Variants in SAXO1 observed in about 807,000 individuals in gnomAD.
SAXO1 encodes the protein 4930500O09Rik.
Under a neutral mutation model 17.5 loss-of-function variants are expected in SAXO1, and 21 were observed. The ratio of observed to expected loss-of-function variants is 1.20; its 90% CI spans 0.85 to 1.72. The LOEUF (loss-of-function observed/expected upper bound fraction) is 1.72, where lower values mean the gene tolerates loss of function less well. Among genes scored for constraint, SAXO1 ranks in the 40% most tolerant of loss-of-function variants. SAXO1 has a pLI of 0.00. For synonymous variants in SAXO1, 274 were observed against 216.5 expected (o/e 1.27, Z -2.33); for missense variants, 843 against 596.0 (o/e 1.41, Z -4.32).
intron 3 of SAXO1, among the ~76,000 whole-genome samples, chr9:18,933,349 A>C (rs986138160): frequency 2.0e-5 from 3 of 152,210 alleles, no homozygotes; most frequent in Non-Finnish European, 2.9e-5. Flanking sequence ...TTGAATTCCC[A>C]GAATAAATCT....
At chr9:19,035,223 G>A (rs1330579682), upstream of SAXO1, among the ~76,000 whole-genome samples, 3 of 152,162 alleles carry the variant, frequency 2.0e-5, no homozygotes, top group Non-Finnish European at 2.9e-5. Context: ...CCCACATGTT[G>A]TGGGAGGGAC....
intron 1 of SAXO1, among the ~76,000 whole-genome samples, chr9:18,962,849 T>C (rs1488114830): frequency 6.6e-6 from 1 of 152,234 alleles, no homozygotes; most frequent in Non-Finnish European, 1.5e-5. Context: ...TTGCTTTTGG[T>C]GTTTTAGTCA....
chr9:19,032,760 G>A (rs1835820775), intron 1 of SAXO1, 111 bp downstream of exon 1: 1 of 1,196,904 alleles, frequency 8.4e-7, no homozygotes, highest in South Asian at 1.4e-5. Context: ...CGTAGCAAGT[G>A]GACGAACCCA....
intron 1 of SAXO1, among the ~76,000 whole-genome samples, chr9:18,970,251 C>G (rs1250446762): frequency 1.3e-5 from 2 of 152,168 alleles, no homozygotes; most frequent in Non-Finnish European, 2.9e-5. Flanking sequence ...ATGCTATATA[C>G]CATGTTAATT....
At chr9:18,941,101 TA>T (rs955447383) in intron 3 of SAXO1, among the ~76,000 whole-genome samples, 5 of 152,338 alleles carry the variant, frequency 3.3e-5, no homozygotes, top group African/African-American at 1.2e-4. Flanking sequence ...CATTTTGATA[TA>T]TTTTTTAAAC....
chr9:19,008,863 G>A (rs981282077), intron 1 of SAXO1, among the ~76,000 whole-genome samples: 2 of 152,172 alleles, frequency 1.3e-5, no homozygotes, highest in African/African-American at 4.8e-5. Context: ...CCTGTTCTCT[G>A]GGAGCCCTTT....
At chr9:18,985,368 C>T (rs1015683224) in intron 1 of SAXO1, among the ~76,000 whole-genome samples, 4 of 152,102 alleles carry the variant, frequency 2.6e-5, no homozygotes, top group African/African-American at 9.7e-5. Context: ...AAACAGCAGA[C>T]AGAATTCTTC....
rs766643681 is a variant in SAXO1 at position 18,950,783 on chromosome 9, G to C, written c.193C>G (p.Pro65Ala). 6 of 1,613,474 alleles carry C rather than the reference G, an allele frequency of 3.7e-6. No individual in the cohort carries two copies. The highest frequency in any genetic ancestry group is 5.1e-6 in the Non-Finnish European group (6 of 1,179,618). The change falls in exon 2 of 4, where the codon CCA (proline) becomes GCA (alanine). Residue 65 changes from proline to alanine, a missense_variant. Physicochemically the swap from Pro to Ala is conservative, Grantham distance 27. Coordinates refer to ENST00000380534, the MANE Select transcript of SAXO1 (RefSeq NM_153707.4). ...CTTGATGTAGTCAGGCCTTCCATTG[G>C]TATAGGCCCTTTCTGGTACTCCCGC... The part of the protein sequence containing the change: ...PRREYQKGPI[P>A]MEGLTTSRRD...
At chr9:18,938,828 G>GTGTGTGTGTGTGTGTA (rs1831418223) in intron 3 of SAXO1, among the ~76,000 whole-genome samples, 2 of 114,034 alleles carry the variant, frequency 1.8e-5, no homozygotes, top group Admixed American at 9.6e-5. Flanking sequence ...GTGCGTGTGT[G>GTGTGTGTGTGTGTGTA]TGTGTGTGTG....
intron 1 of SAXO1, among the ~76,000 whole-genome samples, chr9:18,984,082 T>C (rs955591494): frequency 2.0e-5 from 3 of 152,246 alleles, no homozygotes; most frequent in Admixed American, 6.5e-5. Context: ...CTAAGTGTAT[T>C]GTCAATGAAC....
chr9:18,995,660 A>G (rs999894699), intron 1 of SAXO1, among the ~76,000 whole-genome samples: 1 of 152,210 alleles, frequency 6.6e-6, no homozygotes, highest in Non-Finnish European at 1.5e-5. Context: ...CAGAATCTAC[A>G]GTTTTTTCAA....
intron 3 of SAXO1, among the ~76,000 whole-genome samples, chr9:18,938,349 T>C (rs1382022214): frequency 6.6e-6 from 1 of 152,066 alleles, no homozygotes; most frequent in Non-Finnish European, 1.5e-5. Context: ...ACAGGAAGCA[T>C]GGTAGCATCT....
At chr9:18,968,476 T>G (rs1832815398) in intron 1 of SAXO1, among the ~76,000 whole-genome samples, 1 of 152,236 alleles carries the variant, frequency 6.6e-6, no homozygotes. Flanking sequence ...TGTTATACAC[T>G]TGAAGTTTTT....
chr9:18,934,365 T>A (rs1470474532), intron 3 of SAXO1, among the ~76,000 whole-genome samples: 4 of 152,172 alleles, frequency 2.6e-5, no homozygotes, highest in Non-Finnish European at 5.9e-5. Context: ...TTCTCTTAAT[T>A]TTTTTCTGTT....
chr9:18,935,744 C>G (rs1333757598), intron 3 of SAXO1, among the ~76,000 whole-genome samples: 2 of 152,192 alleles, frequency 1.3e-5, no homozygotes, highest in Non-Finnish European at 2.9e-5. Context: ...AGCACTGCAG[C>G]CTCAGACTAA....
chr9:18,937,320 C>A (rs1831342315), intron 3 of SAXO1, among the ~76,000 whole-genome samples: 1 of 152,036 alleles, frequency 6.6e-6, no homozygotes, highest in Non-Finnish European at 1.5e-5. Flanking sequence ...ATATGCCAAA[C>A]TCTGTCACCT....
At chr9:18,963,118 G>C (rs969763941) in intron 1 of SAXO1, among the ~76,000 whole-genome samples, 2 of 152,136 alleles carry the variant, frequency 1.3e-5, no homozygotes, top group African/African-American at 2.4e-5. Flanking sequence ...TAGATATGTG[G>C]TGTTATTTCT....
intron 1 of SAXO1, among the ~76,000 whole-genome samples, chr9:18,988,078 T>C (rs1189724312): frequency 6.6e-6 from 1 of 152,196 alleles, no homozygotes; most frequent in Non-Finnish European, 1.5e-5. Context: ...TTTACTAGCA[T>C]CTGCTTAACT....
Position 18,928,700 on chromosome 9 carries a change from G to C in SAXO1, c.777C>G (p.Ala259=), listed in dbSNP as rs780259573. 1 of 1,614,196 alleles carries C rather than the reference G, an allele frequency of 6.2e-7. No homozygotes were observed. Among genetic ancestry groups the C allele is most frequent in the Admixed American group, 1.7e-5 (1 of 60,026 alleles). The change falls in exon 4 of 4, where the codon GCC becomes GCG. Residue 259 remains alanine (A), a synonymous_variant. Transcript: ENST00000380534. The part of the protein sequence containing the change: ...GEPAKSLKPL[A]RPPGLDMPFC... ...AAGGCATGTCTAGCCCAGGAGGCCT[G>C]GCTAGAGGTTTCAAGCTCTTGGCAG... is the stretch of plus-strand genomic sequence containing the variant.
Sources: gnomAD v4.1 joint callset for allele counts (sites outside exome capture counted in the v4.1 genomes callset) on GRCh38, gnomAD v4.1.1 for gene constraint, MANE v1.5 for transcripts, NCBI Gene and HGNC (gene_info 2026-07-23, HGNC 2026-07-21) for gene names.